PRPF4: variants seen among roughly 807,000 people sequenced by gnomAD.
PRPF4 encodes pre-mRNA splicing tri-snRNP complex factor PRPF4, also known as U4/U6 small nuclear ribonucleoprotein Prp4.
PRPF4 carries 14 observed loss-of-function variants against 72.2 expected under a neutral mutation model. The ratio of observed to expected loss-of-function variants is 0.19; its 90% CI spans 0.13 to 0.30. The LOEUF (loss-of-function observed/expected upper bound fraction) is 0.30. Among genes scored for constraint, PRPF4 ranks in the 10% least tolerant of loss-of-function variants. PRPF4 has a pLI of 1.00. For missense variants in PRPF4, 478 were observed against 653.9 expected (o/e 0.73, Z 2.93); for synonymous variants, 225 against 232.2 (o/e 0.97, Z 0.28).
At chr9:113,279,209 T>C (rs1832198260) in intron 3 of PRPF4, 78 bp downstream of exon 3, 1 of 1,270,882 alleles carries the variant, frequency 7.9e-7, no homozygotes, top group Non-Finnish European at 1.1e-6. Flanking sequence ...GATCATTTAG[T>C]TGAACTTTAA....
chr9:113,282,931 A>G (rs1328626950), intron 4 of PRPF4, 198 bp downstream of exon 4: 4 of 1,131,398 alleles, frequency 3.5e-6, no homozygotes, highest in Non-Finnish European at 1.2e-6. Context: ...TTTTCCAGTC[A>G]GGAAAGAATC....
chr9:113,291,249 C>CT (rs2118651051), intron 13 of PRPF4, among the ~76,000 whole-genome samples: 1 of 152,314 alleles, frequency 6.6e-6, no homozygotes, highest in Admixed American at 6.5e-5. Context: ...TTGCTTCATT[C>CT]TTTCCTCCAT....
intron 10 of PRPF4, 97 bp downstream of exon 10, chr9:113,288,361 T>C: frequency 8.9e-7 from 1 of 1,119,252 alleles, no homozygotes; most frequent in South Asian, 1.4e-5. Flanking sequence ...GCAGAGATCT[T>C]CAGGTAGGAT....
At chr9:113,276,495 C>T (rs759357862) in intron 1 of PRPF4, 53 bp from the exon 2 acceptor site, 5 of 1,594,022 alleles carry the variant, frequency 3.1e-6, no homozygotes, top group African/African-American at 2.7e-5. Flanking sequence ...TGGTGAAGTC[C>T]GGTAAATTGC....
chr9:113,279,865 G>A (rs1832222944), intron 3 of PRPF4, among the ~76,000 whole-genome samples: 1 of 152,192 alleles, frequency 6.6e-6, no homozygotes. Flanking sequence ...TTATTGAAGA[G>A]GGGTACCATC....
chr9:113,289,241 A>G (rs1184976172), intron 10 of PRPF4, among the ~76,000 whole-genome samples: 1 of 152,108 alleles, frequency 6.6e-6, no homozygotes, highest in Non-Finnish European at 1.5e-5. Context: ...GCCATAGTTT[A>G]TCCATTCTCC....
At chr9:113,277,014 C>A (rs1055777087) in intron 2 of PRPF4, among the ~76,000 whole-genome samples, 1 of 151,942 alleles carries the variant, frequency 6.6e-6, no homozygotes, top group Non-Finnish European at 1.5e-5. Flanking sequence ...GGGGTTTCAC[C>A]ATGTTGGTCT....
Position 113,283,211 on chromosome 9 carries a change from G to C in PRPF4, c.560G>C (p.Arg187Thr). 1.2e-6 allele frequency: 2 copies of C among 1,614,182 alleles called. No homozygotes were observed. Among genetic ancestry groups the C allele is most frequent in the Non-Finnish European group, 1.7e-6 (2 of 1,180,034 alleles). Residue 187 changes from arginine (R) to threonine (T), a missense_variant and splice_region_variant, in exon 5 of 14, where the codon AGG becomes ACG. Transcript: ENST00000374198. ...TGGATTGCTAATTATTCGTTGCCCA[G>C]GTAAAGAGAGCCTCCAGTAGAAGAA... ...RLWIANYSLP[R>T]AMKRLEEARL...
Position 113,292,583 on chromosome 9 carries a change from G to C in PRPF4, c.*923G>C, listed in dbSNP as rs1317536190. On this transcript the variant is annotated 3_prime_UTR_variant, in exon 14 of 14. Transcript: ENST00000374198. ...TCAGGCAACTCTGAACTGAACATTT[G>C]CTTTGTCAGAAAATATCTTTTTTTT... 5 of 152,172 alleles carry C rather than the reference G, an allele frequency of 3.3e-5. No individual in the cohort carries two copies. The highest frequency in any genetic ancestry group is 1.2e-4 in the African/African-American group (5 of 41,452). The allele number at this position is 152,172 out of a possible 1,614,324, so 9.4% of individuals were successfully genotyped here. A position where few individuals can be genotyped will look rare whatever the true frequency, so the allele number is the denominator to read the frequency against.
chr9:113,287,392 G>A (rs1832480491), intron 9 of PRPF4, among the ~76,000 whole-genome samples: 2 of 152,092 alleles, frequency 1.3e-5, no homozygotes, highest in African/African-American at 4.8e-5. Context: ...GTATTACCAC[G>A]GAGATGTCTC....
chr9:113,288,053 C>A (rs41276783), intron 9 of PRPF4, 122 bp from the exon 10 acceptor site: 11,612 of 833,454 alleles, frequency 0.014, 119 homozygotes, highest in Middle Eastern at 0.032. Flanking sequence ...AAGTAGTTTA[C>A]AAGTGTAGTT....
At chr9:113,287,058 C>CAA (rs375183276) in intron 9 of PRPF4, among the ~76,000 whole-genome samples, 1 of 145,084 alleles carries the variant, frequency 6.9e-6, no homozygotes. Context: ...CTTGAAAGAA[C>CAA]AAAAAAAAAA....
chr9:113,283,884 A>C (rs957645800), intron 6 of PRPF4, among the ~76,000 whole-genome samples: 1 of 152,104 alleles, frequency 6.6e-6, no homozygotes, highest in Non-Finnish European at 1.5e-5. Context: ...CCTGGTCAAC[A>C]TGGTGAAACC....
At position 113,286,254 on chromosome 9, in the gene PRPF4, T is replaced by A; in HGVS notation, c.772T>A (p.Ser258Thr). The change falls in exon 8 of 14, where the codon TCT becomes ACT. Residue 258 changes from serine to threonine, a missense_variant. Transcript: ENST00000374198. ...TAGGAGTGGGCTTTGCAAGCTCTGG[T>A]CTGTTCCTGATTGCAACCTCCTTCA... ...ACWSGLCKLW[S>T]VPDCNLLHTL... 6.2e-7 allele frequency: 1 copy of A among 1,614,084 alleles called. No homozygotes were observed. Among genetic ancestry groups the A allele is most frequent in the Non-Finnish European group, 8.5e-7 (1 of 1,179,944 alleles).
intron 9 of PRPF4, 87 bp from the exon 10 acceptor site, chr9:113,288,088 A>C (rs760099236): frequency 1.6e-6 from 2 of 1,267,562 alleles, no homozygotes; most frequent in Admixed American, 4.0e-5. Flanking sequence ...CGTGTTGTAC[A>C]GAATGGGTAT....
At position 113,288,408 on chromosome 9, in the gene PRPF4, T is replaced by G; in HGVS notation, c.1022+144T>G. 3 of 727,984 alleles carry G rather than the reference T, an allele frequency of 4.1e-6. No homozygotes were observed. The Admixed American group carries it at 8.7e-5, about 21-fold the overall frequency. 45.1% of individuals were successfully genotyped at this position (727,984 alleles called of 1,614,324 possible). ...GCAGGGAATTGGAATCAGAGGAGAA[T>G]GTTTAATATAGTGAGAGCTAAGTAT... On this transcript the variant is annotated intron_variant, in intron 10 of 13. Transcript: ENST00000374198.
intron 3 of PRPF4, 62 bp downstream of exon 3, chr9:113,279,193 T>C: frequency 1.4e-6 from 2 of 1,461,540 alleles, no homozygotes; most frequent in South Asian, 2.6e-5. Context: ...ACTCCAAATT[T>C]TGGTTGATCA....
intron 10 of PRPF4, among the ~76,000 whole-genome samples, chr9:113,290,232 A>G (rs1832569430): frequency 6.6e-6 from 1 of 151,972 alleles, no homozygotes; most frequent in Admixed American, 6.6e-5. Flanking sequence ...AAGAAGAAAA[A>G]AAAAAAAGCC....
rs138573960 is a variant in PRPF4, at chr9:113,290,913, C to T, written c.1269C>T (p.Thr423=). 63 of 1,614,012 alleles carry T rather than the reference C, an allele frequency of 3.9e-5. No individual in the cohort carries two copies. In the African/African-American group the frequency reaches 5.6e-4, roughly 14 times the overall value. ...CAATCCACAGCTATCACATTGCAACCGGCAGTGGTGACAACACCTGCAAAG... is the reference window on the plus strand; with the variant it reads ...CAATCCACAGCTATCACATTGCAACTGGCAGTGGTGACAACACCTGCAAAG... ...NFSPNGYHIA[T]GSGDNTCKVW... is the part of the protein sequence containing the mutation. The change falls in exon 13 of 14, where the codon ACC becomes ACT. Residue 423 remains threonine (T), a synonymous_variant. Coordinates refer to ENST00000374198, the MANE Select transcript of PRPF4 (RefSeq NM_001244926.2).
Sources: allele counts gnomAD v4.1 joint callset (sites outside exome capture counted in the v4.1 genomes callset), GRCh38; gene constraint gnomAD v4.1.1; transcripts MANE v1.5; gene names NCBI Gene and HGNC (gene_info 2026-07-23, HGNC 2026-07-21).